The following ZNF875 variants were observed in gnomAD, a reference collection of about 807,000 sequenced individuals.
ZNF875 encodes the protein HKR1, GLI-Kruppel zinc finger family member.
ZNF875 carries 14 observed loss-of-function variants against 11.2 expected under a neutral mutation model. The ratio of observed to expected loss-of-function variants is 1.26; its 90% CI spans 0.83 to 1.96. The LOEUF (loss-of-function observed/expected upper bound fraction) is 1.96, where lower values mean the gene tolerates loss of function less well. Among genes scored for constraint, ZNF875 ranks in the 30% most tolerant of loss-of-function variants. The pLI is 0.00. For synonymous variants in ZNF875, 301 were observed against 281.1 expected (o/e 1.07, Z -0.71); for missense variants, 752 against 760.4 (o/e 0.99, Z 0.13).
chr19:37,319,056 T>G (rs538161826), intron 1 of ZNF875, among the ~76,000 whole-genome samples: 3 of 151,684 alleles, frequency 2.0e-5, no homozygotes, highest in Non-Finnish European at 4.4e-5. Flanking sequence ...AGATTTTTTT[T>G]TTTTTTTGAG....
At chr19:37,336,967 G>C (rs532316619) in intron 2 of ZNF875, among the ~76,000 whole-genome samples, 3 of 152,074 alleles carry the variant, frequency 2.0e-5, no homozygotes, top group African/African-American at 7.2e-5. Context: ...TTCACACATA[G>C]AACAAGGAGA....
chr19:37,316,030 T>C (rs530116951), upstream of ZNF875, among the ~76,000 whole-genome samples: 37 of 152,168 alleles, frequency 2.4e-4, no homozygotes, highest in Non-Finnish European at 5.0e-4. Flanking sequence ...TCTCCATTTC[T>C]TCAACGTTTA....
At chr19:37,354,065 T>C (rs2038424890) in intron 4 of ZNF875, among the ~76,000 whole-genome samples, 9 of 152,174 alleles carry the variant, frequency 5.9e-5, no homozygotes, top group Admixed American at 5.9e-4. Context: ...CATAAGCTTC[T>C]GTTCATTTTT....
intron 4 of ZNF875, among the ~76,000 whole-genome samples, chr19:37,357,741 T>C (rs2039150856): frequency 6.6e-6 from 1 of 152,150 alleles, no homozygotes; most frequent in Non-Finnish European, 1.5e-5. Context: ...TAGGAGTCTT[T>C]TGGAGGGACC....
intron 4 of ZNF875, among the ~76,000 whole-genome samples, chr19:37,354,104 G>A (rs1019409260): frequency 6.6e-6 from 1 of 151,756 alleles, no homozygotes; most frequent in African/African-American, 2.4e-5. Flanking sequence ...TTTTTGAGGG[G>A]TGGGTGGATA....
Position 37,363,218 on chromosome 19 carries a change from G to T in ZNF875, c.1366G>T (p.Gly456Trp), listed in dbSNP as rs769889310. Residue 456 changes from glycine to tryptophan, a missense_variant, in exon 5 of 5, where the codon GGG (glycine) becomes TGG (tryptophan). By Grantham distance (184) the Gly-to-Trp change is radical (BLOSUM62 -2). Coordinates refer to ENST00000392153, the MANE Select transcript of ZNF875 (RefSeq NM_001353803.2). ...GVKPYVCLEC[G>W]QCFSLKSNLN... ...TAAACCTTATGTCTGCCTGGAGTGC[G>T]GGCAGTGCTTTAGCCTGAAGTCAAA... is the stretch of plus-strand genomic sequence containing the variant. 6.2e-7 allele frequency: 1 copy of T among 1,614,058 alleles called. No homozygotes were observed. The highest frequency in any genetic ancestry group is 1.3e-5 in the African/African-American group (1 of 75,002).
intron 2 of ZNF875, among the ~76,000 whole-genome samples, chr19:37,341,804 G>C (rs1055646087): frequency 2.6e-5 from 4 of 152,134 alleles, no homozygotes; most frequent in African/African-American, 9.7e-5. Context: ...TTTTGAGTCA[G>C]ATACCTGTAT....
chr19:37,319,914 T>C lies in ZNF875; in HGVS notation c.-747+1728T>C, dbSNP rs527828439. 2.0e-5 allele frequency among the ~76,000 whole-genome samples: 3 copies of C among 152,242 alleles called. No homozygotes were observed. The East Asian group carries it at 5.8e-4, about 29-fold the overall frequency. ...TTATTTATGTTTTTTTGAGACGGAG[T>C]CTCGCTCTGTCACCCAGGCTGGAGT... is the stretch of plus-strand genomic sequence containing the variant. On this transcript the variant is annotated intron_variant, in intron 1 of 5. Transcript: ENST00000544914.
intron 2 of ZNF875, among the ~76,000 whole-genome samples, chr19:37,345,467 A>T (rs2036587601): frequency 6.6e-6 from 1 of 152,150 alleles, no homozygotes; most frequent in Non-Finnish European, 1.5e-5. Flanking sequence ...AGTTTTAGAG[A>T]CACAATGTCA....
chr19:37,348,480 G>A (rs1269443174), intron 4 of ZNF875, among the ~76,000 whole-genome samples: 2 of 151,922 alleles, frequency 1.3e-5, no homozygotes, highest in South Asian at 2.1e-4. Context: ...TGTATGAATC[G>A]CTAAATCATC....
chr19:37,349,308 A>G (rs544267835), intron 4 of ZNF875, among the ~76,000 whole-genome samples: 9 of 152,252 alleles, frequency 5.9e-5, no homozygotes, highest in African/African-American at 2.2e-4. Context: ...TTTTTTGGGG[A>G]AACAGAACTC....
At position 37,349,188 on chromosome 19, in the gene ZNF875, G is replaced by A. The variant is rs545402481; in HGVS notation, c.256+1316G>A. Among the ~76,000 whole-genome samples the A allele has an allele frequency of 9.2e-5, 14 of 152,178 alleles. 1 individual carries two copies. On this transcript the variant is annotated intron_variant, in intron 4 of 4. Coordinates refer to ENST00000392153, the MANE Select transcript of ZNF875 (RefSeq NM_001353803.2). ...GTTTGTAAGGACATTATTCATACTG[G>A]ATTAGGACCCACTCTAATGACCTCA...
intron 2 of ZNF875, among the ~76,000 whole-genome samples, chr19:37,342,373 G>T (rs2146128812): frequency 6.6e-6 from 1 of 151,118 alleles, no homozygotes; most frequent in African/African-American, 2.4e-5. Context: ...TTCTGTTTCT[G>T]GACATTATTA....
chr19:37,356,201 C>T (rs2038880288), intron 4 of ZNF875, among the ~76,000 whole-genome samples: 1 of 152,140 alleles, frequency 6.6e-6, no homozygotes, highest in African/African-American at 2.4e-5. Flanking sequence ...TACGAAGATT[C>T]CATGACTTTG....
chr19:37,327,025 C>T (rs1036984741), intron 4 of ZNF875, among the ~76,000 whole-genome samples: 1 of 151,374 alleles, frequency 6.6e-6, no homozygotes, highest in African/African-American at 2.4e-5. Flanking sequence ...TGAAGTCTTG[C>T]TCTGTCTCCC....
chr19:37,324,475 A>G (rs568493392), intron 4 of ZNF875, among the ~76,000 whole-genome samples: 1 of 152,284 alleles, frequency 6.6e-6, no homozygotes, highest in African/African-American at 2.4e-5. Flanking sequence ...CCCTGGAAGG[A>G]ATATTCCAGA....
At chr19:37,353,311 G>GT (rs1437596446) in intron 4 of ZNF875, among the ~76,000 whole-genome samples, 18 of 152,330 alleles carry the variant, frequency 1.2e-4, no homozygotes, top group African/African-American at 4.1e-4. Flanking sequence ...TTAAGGTAAT[G>GT]TAAGAATCTC....
At chr19:37,333,864 C>T (rs1006882057), upstream of ZNF875, among the ~76,000 whole-genome samples, 2 of 151,866 alleles carry the variant, frequency 1.3e-5, no homozygotes, top group African/African-American at 4.8e-5. Flanking sequence ...AAGAAAACAC[C>T]CCTGTTGAAC....
intron 2 of ZNF875, among the ~76,000 whole-genome samples, chr19:37,341,805 A>T (rs1022550640): frequency 6.6e-6 from 1 of 152,164 alleles, no homozygotes; most frequent in Non-Finnish European, 1.5e-5. Context: ...TTTGAGTCAG[A>T]TACCTGTATA....
Sources: allele counts gnomAD v4.1 joint callset (sites outside exome capture counted in the v4.1 genomes callset), GRCh38; gene constraint gnomAD v4.1.1; transcripts MANE v1.5; gene names NCBI Gene and HGNC (gene_info 2026-07-23, HGNC 2026-07-21).